The following FADS6 variants were observed in gnomAD, a reference collection of about 807,000 sequenced individuals.
The protein encoded by FADS6 is fatty acid desaturase domain family, member 6.
FADS6 carries 28 observed loss-of-function variants against 31.7 expected under a neutral mutation model. That is an observed-to-expected ratio of 0.88 (90% CI 0.66 to 1.21). The LOEUF (loss-of-function observed/expected upper bound fraction) is 1.21, where lower values mean the gene tolerates loss of function less well. Among genes scored for constraint, FADS6 ranks in the 50% most tolerant of loss-of-function variants. The pLI, the probability that FADS6 is intolerant of heterozygous loss-of-function variation, is 0.00. For synonymous variants in FADS6, 191 were observed against 213.1 expected, an observed-to-expected ratio of 0.90 and a Z score of 0.90; for missense variants, 494 against 504.2, an observed-to-expected ratio of 0.98 and a Z score of 0.19.
Position 74,893,626 on chromosome 17 carries a change from G to A in FADS6, c.-31C>T, listed in dbSNP as rs1336669696. ...CTGTGGGCTCGGGCCCGACGCGCAC[G>A]GAGGACTGGAGGACTGGGGCGTGTG... On this transcript the variant is annotated 5_prime_UTR_variant, in exon 1 of 6. Coordinates refer to ENST00000612771, the MANE Select transcript of FADS6 (RefSeq NM_178128.6). The A allele has an allele frequency of 1.2e-5, 15 of 1,275,654 alleles. No individual in the cohort carries two copies. The highest frequency in any genetic ancestry group is 9.4e-5 in the African/African-American group (6 of 63,932). 79.0% of individuals were successfully genotyped at this position (1,275,654 alleles called of 1,614,324 possible).
In FADS6 at chr17:74,893,528, T is replaced by TC; in HGVS notation, c.67dup (p.Glu23GlyfsTer263). 2 of 1,434,366 alleles carry TC rather than the reference T, an allele frequency of 1.4e-6. No homozygotes were observed. The highest frequency in any genetic ancestry group is 1.9e-6 in the Non-Finnish European group (2 of 1,080,638). The allele number at this position is 1,434,366 out of a possible 1,614,324, so 88.9% of individuals were successfully genotyped here. A position where few individuals can be genotyped will look rare whatever the true frequency, so the allele number is the denominator to read the frequency against. ...CATGGGCTCCGTAGGTTCCATGGGC[T>TC]CCGTAGGTTCCATGGGCTCCGTAGG... On this transcript the variant is annotated frameshift_variant, in exon 1 of 6. Coordinates refer to ENST00000612771, the MANE Select transcript of FADS6 (RefSeq NM_178128.6). LOFTEE classifies it high-confidence loss of function.
chr17:74,881,436 G>A (rs1175713075), intron 3 of FADS6, among the ~76,000 whole-genome samples, 181 bp from the exon 4 acceptor site: 1 of 152,188 alleles, frequency 6.6e-6, no homozygotes, highest in Non-Finnish European at 1.5e-5. Flanking sequence ...GATGGCTCAA[G>A]CCTATAAACC....
intron 2 of FADS6, chr17:74,883,002 T>C (rs2038589098): frequency 3.4e-6 from 2 of 588,004 alleles, no homozygotes; most frequent in Non-Finnish European, 5.8e-6. Context: ...GCCCAGGCAA[T>C]GAGTCTCAGA....
chr17:74,879,873 A>G (rs1160629849), intron 4 of FADS6, among the ~76,000 whole-genome samples: 2 of 152,146 alleles, frequency 1.3e-5, no homozygotes, highest in African/African-American at 4.8e-5. Context: ...ACTCAGTCTC[A>G]TCACACCGTG....
At chr17:74,884,702 A>T (rs1051197196) in intron 2 of FADS6, among the ~76,000 whole-genome samples, 2 of 121,420 alleles carry the variant, frequency 1.6e-5, no homozygotes, top group African/African-American at 7.0e-5. Flanking sequence ...CACACTTTTC[A>T]ATGACCAGAT....
intron 5 of FADS6, chr17:74,879,056 TTGA>T: frequency 7.5e-6 from 1 of 133,218 alleles, no homozygotes; most frequent in South Asian, 1.8e-4. Context: ...TTTTTTTTTT[TTGA>T]GACAGGGTCT....
intron 2 of FADS6, among the ~76,000 whole-genome samples, chr17:74,891,735 G>A (rs1334897223): frequency 6.6e-6 from 1 of 152,132 alleles, no homozygotes; most frequent in Admixed American, 6.5e-5. Flanking sequence ...GTTATATAAA[G>A]TTATATAACT....
At chr17:74,884,731 C>T (rs562526905) in intron 2 of FADS6, among the ~76,000 whole-genome samples, 39 of 151,122 alleles carry the variant, frequency 2.6e-4, no homozygotes, top group African/African-American at 8.0e-4. Context: ...TTTTTTTTTC[C>T]GAGTCTTGCT....
Position 74,892,601 on chromosome 17 carries a change from C to T in FADS6, c.333G>A (p.Lys111=), listed in dbSNP as rs1341180186. The T allele has an allele frequency of 1.9e-6, 3 of 1,613,252 alleles. No homozygotes were observed. In the African/African-American group the frequency reaches 4.0e-5, roughly 22 times the overall value. ...CCCCATGAGTGGCCAGGTGGCTGCC[C>T]TTGACAGTGAGTGTGTAGTGGCACA... ...LGVCHYTLTV[K]GSHLATHGAL... The change falls in exon 2 of 6, where the codon AAG becomes AAA. Residue 111 remains lysine (K), a synonymous_variant. Transcript: ENST00000612771.
At chr17:74,893,212 C>A in intron 1 of FADS6, 140 bp downstream of exon 1, 1 of 1,005,564 alleles carries the variant, frequency 9.9e-7, no homozygotes, top group Non-Finnish European at 1.4e-6. Context: ...GCCCCGACCA[C>A]CTCCGCCTCC....
intron 2 of FADS6, among the ~76,000 whole-genome samples, chr17:74,889,649 T>C (rs1275139311): frequency 1.3e-5 from 2 of 150,584 alleles, no homozygotes; most frequent in Non-Finnish European, 3.0e-5. Context: ...GTGGCTCACC[T>C]GAGCTCAGGA....
At chr17:74,884,844 A>AT (rs1422979044) in intron 2 of FADS6, among the ~76,000 whole-genome samples, 3 of 151,888 alleles carry the variant, frequency 2.0e-5, no homozygotes, top group Non-Finnish European at 4.4e-5. Context: ...AGTAGCTGGG[A>AT]TTATAGTCAC....
At chr17:74,888,138 A>ACG (rs1567928392) in intron 2 of FADS6, among the ~76,000 whole-genome samples, 3 of 108,752 alleles carry the variant, frequency 2.8e-5, no homozygotes, top group Non-Finnish European at 5.3e-5. Context: ...ACACACACAC[A>ACG]CACACACACA....
chr17:74,893,507 G>A lies in FADS6; in HGVS notation c.89C>T (p.Pro30Leu). The A allele has an allele frequency of 6.4e-7, 1 of 1,568,444 alleles. No homozygotes were observed. The highest frequency in any genetic ancestry group is 8.6e-7 in the Non-Finnish European group (1 of 1,157,860). ...GTGCGCGCTCCGCGCCGGTTCCATG[G>A]GCTCCGTAGGTTCCATGGGCTCCGT... ...EPTEPMEPTEPMEPARSAHRG... is the reference protein window; with the variant it reads ...EPTEPMEPTELMEPARSAHRG... Residue 30 changes from proline (P) to leucine (L), a missense_variant, in exon 1 of 6, where the codon CCC becomes CTC. Around this residue, in one of 2 missense-constraint regions of FADS6, gnomAD observed 40 missense variants for 65.7 expected, o/e 0.61. Transcript: ENST00000612771.
intron 2 of FADS6, among the ~76,000 whole-genome samples, chr17:74,888,154 A>ACACACG (rs1245891792): frequency 7.4e-5 from 10 of 134,740 alleles, no homozygotes; most frequent in South Asian, 5.4e-4. Flanking sequence ...ACACACACAC[A>ACACACG]CGCGCGCGCG....
intron 2 of FADS6, among the ~76,000 whole-genome samples, chr17:74,885,754 C>T (rs2038615759): frequency 6.6e-6 from 1 of 152,224 alleles, no homozygotes; most frequent in Non-Finnish European, 1.5e-5. Context: ...GTCCCATCTT[C>T]TGCCTTGTCT....
Position 74,879,417 on chromosome 17 carries a change from T to G in FADS6, c.947A>C (p.Asn316Thr), listed in dbSNP as rs1255190374. The G allele has an allele frequency of 8.7e-6, 14 of 1,613,718 alleles. No homozygotes were observed. The East Asian group carries it at 3.1e-4, about 36-fold the overall frequency. Residue 316 changes from asparagine (N) to threonine (T), a missense_variant, in exon 5 of 6, where the codon AAC becomes ACC. Coordinates refer to ENST00000612771, the MANE Select transcript of FADS6 (RefSeq NM_178128.6). ...EHHLFPRLSDNMCLKVKPVVS... is the reference protein window; with the variant it reads ...EHHLFPRLSDTMCLKVKPVVS... The stretch of plus-strand genomic sequence containing the variant: ...GCCCTCGACTACCTTCAGGCACATG[T>G]TATCAGAGAGCCTGGGGAATAGATG...
intron 2 of FADS6, among the ~76,000 whole-genome samples, chr17:74,890,778 G>A (rs148505745): frequency 5.9e-5 from 9 of 152,178 alleles, no homozygotes; most frequent in African/African-American, 2.2e-4. Flanking sequence ...CCGGTGGAGC[G>A]CTCCAGTAGA....
intron 2 of FADS6, among the ~76,000 whole-genome samples, chr17:74,885,302 CAA>C (rs1197186899): frequency 0.017 from 2,138 of 126,542 alleles, 28 homozygotes; most frequent in African/African-American, 0.027. Context: ...AAGAAAACCA[CAA>C]AAAAAAAAAA....
Sources: allele counts gnomAD v4.1 joint callset (sites outside exome capture counted in the v4.1 genomes callset), GRCh38; gene constraint gnomAD v4.1.1; regional missense constraint gnomAD v4.1.1; transcripts MANE v1.5; gene names NCBI Gene and HGNC (gene_info 2026-07-23, HGNC 2026-07-21).